Variants in NDE1 observed in about 807,000 individuals in gnomAD.
NDE1 encodes nudE neurodevelopment protein 1.
A neutral mutation model predicts 43.4 loss-of-function variants in NDE1; 28 were observed. That is an observed-to-expected ratio of 0.65 (90% CI 0.48 to 0.89). The LOEUF is 0.89. Ranked by LOEUF, NDE1 falls within the 40% of genes least tolerant of loss-of-function variation. NDE1 has a pLI of 0.00. For missense variants in NDE1, 441 were observed against 434.1 expected, an observed-to-expected ratio of 1.02 and a Z score of -0.14; for synonymous variants, 184 against 172.0, an observed-to-expected ratio of 1.07 and a Z score of -0.55.
In NDE1 at chr16:15,724,241, G is replaced by C. The variant is rs753916027; in HGVS notation, c.998G>C (p.Ser333Thr). Reference protein sequence around the residue: ...WLSKSTTRSSSSC With the variant: ...WLSKSTTRSSTSC ...TCCAAATCAACAACCAGGTCGTCCAGCTCCTGCTGAAGCCTGTTCTTGGTC... is the reference window on the plus strand; with the variant it reads ...TCCAAATCAACAACCAGGTCGTCCACCTCCTGCTGAAGCCTGTTCTTGGTC... Residue 333 changes from serine to threonine, a missense_variant, in exon 9 of 9, where the codon AGC (serine) becomes ACC (threonine). Coordinates refer to ENST00000396354, the MANE Select transcript of NDE1 (RefSeq NM_017668.3). The C allele has an allele frequency of 3.1e-6, 5 of 1,614,216 alleles. No individual in the cohort carries two copies. Among genetic ancestry groups the C allele is most frequent in the South Asian group, 2.2e-5 (2 of 91,080 alleles).
At chr16:15,723,634 A>C (rs1357147818) in intron 8 of NDE1, among the ~76,000 whole-genome samples, 1 of 152,214 alleles carries the variant, frequency 6.6e-6, no homozygotes, top group East Asian at 1.9e-4. Context: ...TGACAGAGCT[A>C]GATCCTGTCT....
In NDE1 at chr16:15,677,857, T is replaced by A; in HGVS notation, c.294T>A (p.Asp98Glu). ...EGYRQISALE[D>E]DLAQTKAIKD... ...ACCGGCAGATCTCAGCCTTGGAGGATGACCTCGCGCAGACCAAAGCCATTA... is the reference window on the plus strand; with the variant it reads ...ACCGGCAGATCTCAGCCTTGGAGGAAGACCTCGCGCAGACCAAAGCCATTA... The change falls in exon 4 of 9, where the codon GAT becomes GAA. Residue 98 changes from aspartate to glutamate, a missense_variant. Asp to Glu is a conservative substitution (Grantham distance 45, BLOSUM62 2). Coordinates refer to ENST00000396354, the MANE Select transcript of NDE1 (RefSeq NM_017668.3). 1 of 1,614,114 alleles carries A rather than the reference T, an allele frequency of 6.2e-7. No homozygotes were observed. The highest frequency in any genetic ancestry group is 8.5e-7 in the Non-Finnish European group (1 of 1,180,018).
chr16:15,692,196 G>C (rs951497057), intron 6 of NDE1, among the ~76,000 whole-genome samples: 50 of 152,298 alleles, frequency 3.3e-4, no homozygotes, highest in Middle Eastern at 3.4e-3. Context: ...TGCAGCCTTC[G>C]CCGCAGGCCC....
rs563346046 is a variant in NDE1, at chr16:15,659,252, G to T, written c.-43-5484G>T. On this transcript the variant is annotated intron_variant, in intron 1 of 8. Coordinates refer to ENST00000396354, the MANE Select transcript of NDE1 (RefSeq NM_017668.3). ...TAACTTCCACCAGAAGTTAGTGGTG[G>T]TGTCTGTGTTGACACTTACATGTTT... is the stretch of plus-strand genomic sequence containing the variant. 1.5e-4 allele frequency among the ~76,000 whole-genome samples: 23 copies of T among 152,070 alleles called. No individual in the cohort carries two copies. The South Asian group carries it at 2.1e-3, about 14-fold the overall frequency.
At chr16:15,665,339 G>A (rs1322152054) in intron 2 of NDE1, among the ~76,000 whole-genome samples, 1 of 152,126 alleles carries the variant, frequency 6.6e-6, no homozygotes, top group Non-Finnish European at 1.5e-5. Context: ...CAGATAACTT[G>A]CTCACAGTCA....
chr16:15,719,328 G>GT, intron 8 of NDE1: 1 of 1,607,130 alleles, frequency 6.2e-7, no homozygotes, highest in African/African-American at 1.3e-5. Context: ...AGGGAGGAAG[G>GT]CTGTTGTCTG....
Position 15,725,151 on chromosome 16 carries a change from A to AC in NDE1, c.*901dup, listed in dbSNP as rs2040691233. On this transcript the variant is annotated 3_prime_UTR_variant, in exon 9 of 9. Coordinates refer to ENST00000396354, the MANE Select transcript of NDE1 (RefSeq NM_017668.3). Reference sequence around the variant, plus strand: ...GACTCTGATAAAAAAAAAAAAAAACACACACACACACAAAAAAAACAGAAT... The same window carrying AC: ...GACTCTGATAAAAAAAAAAAAAAACACCACACACACACAAAAAAAACAGAAT... The AC allele has an allele frequency of 2.3e-5, 15 of 641,696 alleles. No individual in the cohort carries two copies. In the South Asian group the frequency reaches 2.7e-4, roughly 11 times the overall value. The allele number at this position is 641,696 out of a possible 1,614,324, so 39.8% of individuals were successfully genotyped here. A position where few individuals can be genotyped will look rare whatever the true frequency, so the allele number is the denominator to read the frequency against.
At chr16:15,691,078 C>T (rs910372062) in intron 5 of NDE1, 66 bp from the exon 6 acceptor site, 4 of 1,602,268 alleles carry the variant, frequency 2.5e-6, no homozygotes, top group Non-Finnish European at 2.6e-6. Flanking sequence ...AAAGTGCTGG[C>T]ATTATAAACA....
intron 8 of NDE1, 120 bp from the exon 9 acceptor site, chr16:15,724,071 C>T (rs1042388861): frequency 1.9e-6 from 3 of 1,595,536 alleles, no homozygotes; most frequent in African/African-American, 2.7e-5. Flanking sequence ...GGGATGCAGG[C>T]ACAGGCCAGA....
chr16:15,721,286 G>A lies in NDE1; in HGVS notation c.948-2905G>A, dbSNP rs1192166776. 6 of 1,116,400 alleles carry A rather than the reference G, an allele frequency of 5.4e-6. No homozygotes were observed. In the African/African-American group the frequency reaches 6.2e-5, roughly 11 times the overall value. The allele number at this position is 1,116,400 out of a possible 1,614,324, so 69.2% of individuals were successfully genotyped here. Reference sequence around the variant, plus strand: ...TCAGCCCCTCCCAGCCCCTGCACCAGTCCAAAAACCTCCTTCCATTTCCGA... The same window carrying A: ...TCAGCCCCTCCCAGCCCCTGCACCAATCCAAAAACCTCCTTCCATTTCCGA... On this transcript the variant is annotated intron_variant, in intron 8 of 8. Coordinates refer to ENST00000396354, the MANE Select transcript of NDE1 (RefSeq NM_017668.3).
At chr16:15,655,060 C>T (rs1350694107) in intron 1 of NDE1, among the ~76,000 whole-genome samples, 1 of 151,906 alleles carries the variant, frequency 6.6e-6, no homozygotes, top group Non-Finnish European at 1.5e-5. Context: ...GCTCTTGTGC[C>T]CAGGCTGGAG....
upstream of NDE1, chr16:15,650,197 C>T (rs1238993337): frequency 5.7e-6 from 1 of 175,222 alleles, no homozygotes; most frequent in South Asian, 1.4e-4. Flanking sequence ...CGACCGCAGG[C>T]TCCGGGGCGG....
At chr16:15,698,560 C>T (rs377184732) in intron 8 of NDE1, among the ~76,000 whole-genome samples, 2 of 151,228 alleles carry the variant, frequency 1.3e-5, no homozygotes, top group East Asian at 2.0e-4. Context: ...GACCTTTACA[C>T]GTGGATTTTT....
At chr16:15,697,643 G>A (rs917026236) in intron 8 of NDE1, among the ~76,000 whole-genome samples, 3 of 152,106 alleles carry the variant, frequency 2.0e-5, no homozygotes, top group African/African-American at 4.8e-5. Flanking sequence ...AACCCTGGAG[G>A]CAGAGATTGC....
intron 4 of NDE1, among the ~76,000 whole-genome samples, chr16:15,678,897 A>G (rs2038026272): frequency 6.6e-6 from 1 of 152,062 alleles, no homozygotes; most frequent in Non-Finnish European, 1.5e-5. Context: ...TAACATGGTG[A>G]AAACCCGTCT....
chr16:15,684,279 G>A (rs2038324155), intron 4 of NDE1: 1 of 151,762 alleles, frequency 6.6e-6, no homozygotes, highest in African/African-American at 2.4e-5. Context: ...AGGGTGTCGA[G>A]GTTGCAGGGA....
chr16:15,688,022 A>G (rs1359109170), intron 5 of NDE1, among the ~76,000 whole-genome samples: 1 of 152,086 alleles, frequency 6.6e-6, no homozygotes, highest in Non-Finnish European at 1.5e-5. Context: ...AAAAACATTT[A>G]AAGATTAGCT....
rs2040341419 is a variant in NDE1 at position 15,719,317 on chromosome 16, GAGGGAGGA to G, written c.948-4870_948-4863del. ...TCAGCGGCGGCGAGGTCCTAGGTGG[GAGGGAGGA>G]AGGCTGTTGTCTGCCAGGGAAAGGC... On this transcript the variant is annotated intron_variant, in intron 8 of 8. Coordinates refer to ENST00000396354, the MANE Select transcript of NDE1 (RefSeq NM_017668.3). 6.2e-7 allele frequency: 1 copy of G among 1,609,360 alleles called. No homozygotes were observed. The highest frequency in any genetic ancestry group is 8.5e-7 in the Non-Finnish European group (1 of 1,179,862).
chr16:15,654,504 G>C (rs930185307), intron 1 of NDE1, among the ~76,000 whole-genome samples: 3 of 149,040 alleles, frequency 2.0e-5, no homozygotes, highest in African/African-American at 5.0e-5. Flanking sequence ...GGGACGCTGA[G>C]GTAGGAGAAT....
Sources: allele counts gnomAD v4.1 joint callset (sites outside exome capture counted in the v4.1 genomes callset), GRCh38; gene constraint gnomAD v4.1.1; transcripts MANE v1.5; gene names NCBI Gene and HGNC (gene_info 2026-07-23, HGNC 2026-07-21).